PRKACB: variants seen among roughly 807,000 people sequenced by gnomAD.
PRKACB encodes the protein cAMP-dependent protein kinase catalytic subunit beta.
Under a neutral mutation model 51.4 loss-of-function variants are expected in PRKACB, and 16 were observed. The ratio of observed to expected loss-of-function variants is 0.31; its 90% CI spans 0.21 to 0.47. The LOEUF is 0.47. Ranked by LOEUF, PRKACB falls within the 20% of genes least tolerant of loss-of-function variation. The pLI is 1.00. For synonymous variants in PRKACB, 147 were observed against 154.4 expected (o/e 0.95, Z 0.35); for missense variants, 309 against 464.5 (o/e 0.67, Z 3.08).
intron 1 of PRKACB, among the ~76,000 whole-genome samples, chr1:84,113,553 A>G (rs1374112979): frequency 4.6e-5 from 7 of 152,220 alleles, no homozygotes; most frequent in African/African-American, 1.7e-4. Context: ...TCCTCCACAC[A>G]ATAATTTGTA....
chr1:84,095,997 T>A (rs539132064), intron 1 of PRKACB, among the ~76,000 whole-genome samples: 1 of 152,216 alleles, frequency 6.6e-6, no homozygotes, highest in South Asian at 2.1e-4. Flanking sequence ...TCTTTTGGCA[T>A]GCCTAGGAAT....
chr1:84,092,735 C>G (rs752795017), intron 1 of PRKACB, among the ~76,000 whole-genome samples: 5 of 152,096 alleles, frequency 3.3e-5, no homozygotes, highest in African/African-American at 4.8e-5. Context: ...CGCTCCACAT[C>G]CTTCCCAAAC....
In PRKACB at chr1:84,150,182, G is replaced by C. The variant is rs184099674; in HGVS notation, c.187+5634G>C. Among the ~76,000 whole-genome samples the C allele has an allele frequency of 2.7e-3, 404 of 152,208 alleles. 2 individuals are homozygous for C. The highest frequency in any genetic ancestry group is 9.4e-3 in the African/African-American group (391 of 41,522). ...AATCCCAGCTACTTGGGAGGCTGAG[G>C]CAGGAGAATCACTAGACCCCAGGAA... On this transcript the variant is annotated intron_variant, in intron 1 of 9. Transcript: ENST00000370685.
At chr1:84,228,711 T>C (rs1453672389) in intron 9 of PRKACB, among the ~76,000 whole-genome samples, 2 of 152,110 alleles carry the variant, frequency 1.3e-5, no homozygotes, top group Non-Finnish European at 2.9e-5. Flanking sequence ...AAAGTTTTGA[T>C]GGCCAGATAT....
intron 4 of PRKACB, 124 bp from the exon 5 acceptor site, chr1:84,184,976 C>G: frequency 4.2e-6 from 2 of 472,168 alleles, no homozygotes; most frequent in Non-Finnish European, 7.0e-6. Context: ...TCCATTTATT[C>G]TTTATTTCTC....
intron 9 of PRKACB, among the ~76,000 whole-genome samples, chr1:84,229,954 A>G (rs1357315129): frequency 1.3e-5 from 2 of 150,860 alleles, no homozygotes; most frequent in Non-Finnish European, 3.0e-5. Context: ...CCATTTGTCA[A>G]TTTTGGCTTT....
chr1:84,088,848 C>T (rs1648229147), intron 1 of PRKACB, among the ~76,000 whole-genome samples: 1 of 152,028 alleles, frequency 6.6e-6, no homozygotes. Flanking sequence ...GAGACAGATA[C>T]AGATATTTAT....
chr1:84,109,709 T>A (rs760573406), intron 1 of PRKACB, among the ~76,000 whole-genome samples: 19 of 151,924 alleles, frequency 1.3e-4, no homozygotes, highest in Non-Finnish European at 2.5e-4. Flanking sequence ...TAGCCTCTCA[T>A]ATTTTTACTT....
At chr1:84,164,732 G>T in intron 1 of PRKACB, 1 of 1,368,296 alleles carries the variant, frequency 7.3e-7, no homozygotes, top group Non-Finnish European at 9.4e-7. Context: ...GAAGGAGGCT[G>T]GGATAACTAG....
chr1:84,123,319 A>G (rs1249484715), intron 1 of PRKACB, among the ~76,000 whole-genome samples: 1 of 152,220 alleles, frequency 6.6e-6, no homozygotes, highest in Non-Finnish European at 1.5e-5. Flanking sequence ...TAAGCTATTT[A>G]TCAGAATCAT....
chr1:84,183,900 A>T, intron 3 of PRKACB, 137 bp from the exon 4 acceptor site: 1 of 904,350 alleles, frequency 1.1e-6, no homozygotes, highest in South Asian at 2.9e-5. Context: ...AAAAGTTGGT[A>T]ATTGTTATTA....
chr1:84,214,209 G>A lies in PRKACB; in HGVS notation c.963G>A (p.Leu321=). The A allele has an allele frequency of 6.2e-7, 1 of 1,613,486 alleles. No individual in the cohort carries two copies. The highest frequency in any genetic ancestry group is 8.5e-7 in the Non-Finnish European group (1 of 1,179,712). ...SDLKDLLRNL[L]QVDLTKRFGN... The stretch of plus-strand genomic sequence containing the variant: ...TCAAGGACCTTCTACGGAACCTGCT[G>A]CAGGTGGATTTGACCAAGAGATTTG... The change falls in exon 9 of 10, where the codon CTG becomes CTA. Residue 321 remains leucine (L), a synonymous_variant. Transcript: ENST00000370685.
chr1:84,175,258 G>A lies in PRKACB; in HGVS notation c.188-3919G>A, dbSNP rs147147916. On this transcript the variant is annotated intron_variant, in intron 1 of 9. Transcript: ENST00000370685. ...GATTTATATTGTAATTTCTTGTGTG[G>A]TATTTTAGAAAGAATAACTGTAGCA... Among the ~76,000 whole-genome samples the A allele has an allele frequency of 1.7e-3, 259 of 151,612 alleles. 2 individuals are homozygous for A. The highest frequency in any genetic ancestry group is 5.9e-3 in the African/African-American group (245 of 41,470).
At chr1:84,084,535 G>T (rs764744340) in intron 1 of PRKACB, among the ~76,000 whole-genome samples, 13 of 152,196 alleles carry the variant, frequency 8.5e-5, no homozygotes, top group Admixed American at 2.0e-4. Flanking sequence ...ATAGAGGCAA[G>T]ATCAATTATA....
chr1:84,143,557 G>A (rs564474162), upstream of PRKACB, among the ~76,000 whole-genome samples: 40 of 152,310 alleles, frequency 2.6e-4, no homozygotes, highest in Admixed American at 4.6e-4. Context: ...CAGCCAACTA[G>A]AAGGAACTTT....
At chr1:84,182,056 G>A in intron 2 of PRKACB, 144 bp from the exon 3 acceptor site, 1 of 613,156 alleles carries the variant, frequency 1.6e-6, no homozygotes, top group Non-Finnish European at 2.5e-6. Flanking sequence ...CAATAAACTG[G>A]AATCTCAATA....
chr1:84,189,293 A>G (rs1343104051), intron 5 of PRKACB, among the ~76,000 whole-genome samples: 2 of 151,908 alleles, frequency 1.3e-5, no homozygotes, highest in African/African-American at 4.8e-5. Context: ...AGGGAAATAC[A>G]TGGCTCTCAG....
chr1:84,198,093 T>G (rs1358929421), intron 7 of PRKACB, among the ~76,000 whole-genome samples: 1 of 152,092 alleles, frequency 6.6e-6, no homozygotes, highest in Non-Finnish European at 1.5e-5. Context: ...AAAAACATAG[T>G]CTTTTCTTAA....
At chr1:84,126,740 A>G (rs1451794019) in intron 1 of PRKACB, among the ~76,000 whole-genome samples, 1 of 152,160 alleles carries the variant, frequency 6.6e-6, no homozygotes, top group Non-Finnish European at 1.5e-5. Context: ...CAGCTTAATA[A>G]TAACTGGCAT....
Sources: allele counts gnomAD v4.1 joint callset (sites outside exome capture counted in the v4.1 genomes callset), GRCh38; gene constraint gnomAD v4.1.1; transcripts MANE v1.5; gene names NCBI Gene and HGNC (gene_info 2026-07-23, HGNC 2026-07-21).